The following CARD8 variants were observed in gnomAD, a reference collection of about 807,000 sequenced individuals.
The protein encoded by CARD8 is caspase recruitment domain-containing protein 8.
In CARD8, 38 loss-of-function variants were observed where a neutral mutation model predicts 53.2. That is an observed-to-expected ratio of 0.71 (90% CI 0.55 to 0.94). The LOEUF is 0.94. Among genes scored for constraint, CARD8 ranks in the 40% least tolerant of loss-of-function variants. The pLI, the probability that CARD8 is intolerant of heterozygous loss-of-function variation, is 0.00. For missense variants in CARD8, 561 were observed against 655.5 expected, an observed-to-expected ratio of 0.86 and a Z score of 1.57; for synonymous variants, 245 against 244.9, an observed-to-expected ratio of 1.00 and a Z score of 0.00.
downstream of CARD8, among the ~76,000 whole-genome samples, chr19:48,204,914 G>C (rs183629237): frequency 8.1e-4 from 123 of 152,366 alleles, no homozygotes; most frequent in Admixed American, 3.5e-3. Flanking sequence ...GCAATGGCCA[G>C]TTAAATTCTA....
At chr19:48,215,859 GA>G (rs2039162285) in intron 12 of CARD8, among the ~76,000 whole-genome samples, 1 of 152,132 alleles carries the variant, frequency 6.6e-6, no homozygotes. Flanking sequence ...AATTTCCCAT[GA>G]TGCCTTCAAT....
At chr19:48,239,529 G>A (rs1417252770) in intron 4 of CARD8, among the ~76,000 whole-genome samples, 2 of 146,854 alleles carry the variant, frequency 1.4e-5, no homozygotes, top group East Asian at 2.0e-4. Flanking sequence ...AGGCTGGAGT[G>A]CAATGGAGCG....
At chr19:48,237,662 T>G (rs1486988888) in intron 5 of CARD8, among the ~76,000 whole-genome samples, 1 of 151,366 alleles carries the variant, frequency 6.6e-6, no homozygotes, top group African/African-American at 2.4e-5. Context: ...CCAGGTGTGG[T>G]AGTGGGCACC....
At chr19:48,221,294 A>T (rs112746316) in intron 11 of CARD8, among the ~76,000 whole-genome samples, 1,770 of 152,346 alleles carry the variant, frequency 0.012, 40 homozygotes, top group African/African-American at 0.04. Flanking sequence ...TGTCCCAGTA[A>T]ATCTGTATGT....
intron 12 of CARD8, among the ~76,000 whole-genome samples, chr19:48,217,759 A>T (rs2039633111): frequency 6.6e-6 from 1 of 152,236 alleles, no homozygotes; most frequent in Non-Finnish European, 1.5e-5. Flanking sequence ...TTACAAATGT[A>T]TTGGAGATAT....
At chr19:48,232,718 A>G in intron 6 of CARD8, 1 of 667,154 alleles carries the variant, frequency 1.5e-6, no homozygotes, top group South Asian at 1.5e-5. Context: ...ACTCACGGCT[A>G]TAACACTGTG....
Position 48,231,767 on chromosome 19 carries a change from A to G in CARD8, c.435T>C (p.Ala145=), listed in dbSNP as rs1332786146. The change falls in exon 8 of 14, where the codon GCT becomes GCC. Residue 145 remains alanine, a synonymous_variant. Coordinates refer to ENST00000651546, the MANE Select transcript of CARD8 (RefSeq NM_001184900.3). The part of the protein sequence containing the change: ...SEENQIVSSY[A]SKVCFEIEED... The stretch of plus-strand genomic sequence containing the variant: ...CTTCGATCTCAAAACAGACTTTAGA[A>G]GCATAAGAGGAAACTATTTGATTCT... 3.1e-6 allele frequency: 5 copies of G among 1,609,974 alleles called. No homozygotes were observed. Among genetic ancestry groups the G allele is most frequent in the Non-Finnish European group, 4.3e-6 (5 of 1,176,396 alleles).
intron 5 of CARD8, among the ~76,000 whole-genome samples, chr19:48,236,749 CTGTT>C (rs2146465886): frequency 6.6e-6 from 1 of 152,146 alleles, no homozygotes; most frequent in East Asian, 1.9e-4. Context: ...TTAGCAATGA[CTGTT>C]TGTATTGGGT....
At chr19:48,205,934 G>C (rs528343573), downstream of CARD8, among the ~76,000 whole-genome samples, 5 of 152,158 alleles carry the variant, frequency 3.3e-5, no homozygotes, top group Non-Finnish European at 5.9e-5. Context: ...GTCTCACTCT[G>C]TCACCCAGGC....
At chr19:48,239,771 T>C (rs1252508681) in intron 4 of CARD8, among the ~76,000 whole-genome samples, 1 of 152,190 alleles carries the variant, frequency 6.6e-6, no homozygotes, top group African/African-American at 2.4e-5. Flanking sequence ...TCACCATGCC[T>C]GGCCAAGGTT....
chr19:48,207,189 G>GAAA (rs56859690), downstream of CARD8, among the ~76,000 whole-genome samples: 1 of 132,218 alleles, frequency 7.6e-6, no homozygotes, highest in Non-Finnish European at 1.6e-5. Context: ...GAAAAGAAAA[G>GAAA]AAAAAAAAAA....
rs749800607 is a variant in CARD8 at position 48,230,836 on chromosome 19, G to C, written c.713C>G (p.Thr238Ser). The change falls in exon 9 of 14, where the codon ACT becomes AGT. Residue 238 changes from threonine to serine, a missense_variant. Physicochemically the swap from Thr to Ser is moderately conservative, Grantham distance 58. Coordinates refer to ENST00000651546, the MANE Select transcript of CARD8 (RefSeq NM_001184900.3). ...GGCGACAGCCTCCTCTGGCTCTGCA[G>C]TGACATCAAACAAGGGGCCGCCCAC... The part of the protein sequence containing the change: ...WLVGGPLFDV[T>S]AEPEEAVAEI... 6.2e-6 allele frequency: 10 copies of C among 1,614,058 alleles called. No individual in the cohort carries two copies. The highest frequency in any genetic ancestry group is 8.5e-6 in the Non-Finnish European group (10 of 1,180,050).
chr19:48,238,232 TA>T, intron 5 of CARD8, 150 bp downstream of exon 5: 1 of 1,347,396 alleles, frequency 7.4e-7, no homozygotes, highest in Non-Finnish European at 9.8e-7. Flanking sequence ...TCTTTTGAAA[TA>T]AAAACTTAAG....
At chr19:48,207,734 GT>G (rs758903014), downstream of CARD8, among the ~76,000 whole-genome samples, 32 of 116,534 alleles carry the variant, frequency 2.7e-4, 1 homozygote, top group South Asian at 5.4e-4. Context: ...TTGTTTTTCT[GT>G]TTTTTTTTTT....
intron 12 of CARD8, 117 bp from the exon 13 acceptor site, chr19:48,215,501 CTCT>C (rs917865578): frequency 2.8e-6 from 2 of 716,474 alleles, no homozygotes; most frequent in Non-Finnish European, 4.8e-6. Flanking sequence ...TGTCATAAGG[CTCT>C]TGTTTTGCAC....
At chr19:48,204,326 G>A (rs1965758), downstream of CARD8, 202,763 of 388,628 alleles carry the variant, frequency 0.52, 54,052 homozygotes, top group Admixed American at 0.57. Flanking sequence ...TGGAGGGTGT[G>A]CCGGAGGAAT....
At chr19:48,231,884 G>A in intron 7 of CARD8, 74 bp from the exon 8 acceptor site, 1 of 1,308,098 alleles carries the variant, frequency 7.6e-7, no homozygotes, top group Non-Finnish European at 1.1e-6. Context: ...CCTGGAGGCT[G>A]AATTGCACAG....
intron 11 of CARD8, among the ~76,000 whole-genome samples, chr19:48,219,278 T>C (rs1416647516): frequency 6.6e-6 from 1 of 152,146 alleles, no homozygotes; most frequent in Non-Finnish European, 1.5e-5. Context: ...ACAAACGTCT[T>C]AGATTTTGAG....
At chr19:48,216,103 C>T (rs1190871129) in intron 12 of CARD8, among the ~76,000 whole-genome samples, 3 of 150,048 alleles carry the variant, frequency 2.0e-5, no homozygotes, top group African/African-American at 7.4e-5. Context: ...ACCCAGCCAT[C>T]CACAATCTCC....
Sources: gnomAD v4.1 joint callset for allele counts (sites outside exome capture counted in the v4.1 genomes callset) on GRCh38, gnomAD v4.1.1 for gene constraint, MANE v1.5 for transcripts, NCBI Gene and HGNC (gene_info 2026-07-23, HGNC 2026-07-21) for gene names.